The following ZNF79 variants were observed in gnomAD, a reference collection of about 807,000 sequenced individuals.
ZNF79 encodes zinc finger protein 79.
ZNF79 carries 13 observed loss-of-function variants against 14.9 expected under a neutral mutation model. That is an observed-to-expected ratio of 0.87 (90% CI 0.57 to 1.38). ZNF79 has a LOEUF of 1.38. ZNF79 is among the 40% of genes most tolerant of loss of function. The pLI is 0.00. For missense variants in ZNF79, 631 were observed against 630.6 expected (o/e 1.00, Z -0.01); for synonymous variants, 223 against 235.1 (o/e 0.95, Z 0.47).
intron 4 of ZNF79, among the ~76,000 whole-genome samples, chr9:127,441,328 A>G (rs969221433): frequency 2.6e-5 from 4 of 152,170 alleles, no homozygotes; most frequent in African/African-American, 9.7e-5. Context: ...CTGTGTCTCA[A>G]CTACCATTCT....
chr9:127,435,319 A>G, intron 3 of ZNF79, 103 bp downstream of exon 3: 1 of 1,328,268 alleles, frequency 7.5e-7, no homozygotes, highest in Non-Finnish European at 1.0e-6. Flanking sequence ...GATGTACCAG[A>G]GGGATGGTGT....
chr9:127,428,726 G>C (rs933775821), intron 1 of ZNF79, 106 bp from the exon 2 acceptor site: 3 of 1,299,232 alleles, frequency 2.3e-6, no homozygotes, highest in African/African-American at 1.5e-5. Flanking sequence ...CAGGTCTGCA[G>C]ATTCAGCCCA....
In ZNF79 at chr9:127,444,290, A is replaced by C; in HGVS notation, c.590A>C (p.Glu197Ala). The C allele has an allele frequency of 6.2e-7, 1 of 1,614,186 alleles. No homozygotes were observed. Among genetic ancestry groups the C allele is most frequent in the Non-Finnish European group, 8.5e-7 (1 of 1,180,042 alleles). Residue 197 changes from glutamate (E) to alanine (A), a missense_variant, in exon 5 of 5, where the codon GAA becomes GCA. Transcript: ENST00000342483. ...AGAGCAAAACCATATGCATGTAATG[A>C]ATGTGGCAAAGCCTTCAGTTACTGT... ...PHRAKPYACN[E>A]CGKAFSYCSS...
intron 4 of ZNF79, among the ~76,000 whole-genome samples, chr9:127,439,212 A>G (rs898747408): frequency 3.3e-5 from 5 of 151,980 alleles, no homozygotes; most frequent in Admixed American, 3.3e-4. Flanking sequence ...CACAACGCGC[A>G]CACACACACA....
rs1419607454 is a variant in ZNF79, at chr9:127,444,158, T to C, written c.458T>C (p.Leu153Pro). 1 of 1,613,826 alleles carries C rather than the reference T, an allele frequency of 6.2e-7. No homozygotes were observed. The highest frequency in any genetic ancestry group is 1.1e-5 in the South Asian group (1 of 91,078). ...AGTGACCTTGAGAAGAGCTTCAATC[T>C]GAGACCAGTCCTCTCTCCGCAACAG... is the stretch of plus-strand genomic sequence containing the variant. ...GTSDLEKSFN[L>P]RPVLSPQQRV... Residue 153 changes from leucine (L) to proline (P), a missense_variant, in exon 5 of 5, where the codon CTG becomes CCG. Physicochemically the swap from Leu to Pro is moderately conservative, Grantham distance 98. Coordinates refer to ENST00000342483, the MANE Select transcript of ZNF79 (RefSeq NM_007135.3).
In ZNF79 at chr9:127,445,270, T is replaced by C. The variant is rs1834150813; in HGVS notation, c.*73T>C. 5 of 1,509,286 alleles carry C rather than the reference T, an allele frequency of 3.3e-6. No homozygotes were observed. The highest frequency in any genetic ancestry group is 4.5e-6 in the Non-Finnish European group (5 of 1,112,560). The allele number at this position is 1,509,286 out of a possible 1,614,324, so 93.5% of individuals were successfully genotyped here. Reference sequence around the variant, plus strand: ...GACAGGTGGGTGAGGATCTGAGAAATGCTAAAGGCTTGAAAGCATCTGAAG... The same window carrying C: ...GACAGGTGGGTGAGGATCTGAGAAACGCTAAAGGCTTGAAAGCATCTGAAG... On this transcript the variant is annotated 3_prime_UTR_variant, in exon 5 of 5. Coordinates refer to ENST00000342483, the MANE Select transcript of ZNF79 (RefSeq NM_007135.3).
At position 127,424,811 on chromosome 9, in the gene ZNF79, G is replaced by A. The variant is rs372852242; in HGVS notation, c.16+8G>A. 9 of 1,613,974 alleles carry A rather than the reference G, an allele frequency of 5.6e-6. No homozygotes were observed. Among genetic ancestry groups the A allele is most frequent in the Admixed American group, 1.7e-5 (1 of 59,998 alleles). On this transcript the variant is annotated splice_region_variant and intron_variant, in intron 1 of 4. Coordinates refer to ENST00000342483, the MANE Select transcript of ZNF79 (RefSeq NM_007135.3). The stretch of plus-strand genomic sequence containing the variant: ...AAATGCTGGAGGAAGGAGGTGAGGA[G>A]TGGTAGAGGGAGCGATTGTCAAGAG...
At chr9:127,433,380 C>A (rs1012981507) in intron 2 of ZNF79, among the ~76,000 whole-genome samples, 1 of 152,160 alleles carries the variant, frequency 6.6e-6, no homozygotes, top group Non-Finnish European at 1.5e-5. Flanking sequence ...GAGCTGGGAA[C>A]AGACAAGGAA....
intron 3 of ZNF79, 49 bp from the exon 4 acceptor site, chr9:127,435,859 G>A: frequency 6.6e-7 from 1 of 1,525,132 alleles, no homozygotes. Context: ...CTGGGTGGCT[G>A]TTCATACTTA....
chr9:127,439,791 G>T (rs1327874780), intron 4 of ZNF79, among the ~76,000 whole-genome samples: 1 of 152,202 alleles, frequency 6.6e-6, no homozygotes. Context: ...TATTCCCTTT[G>T]TTGAGTGGGG....
intron 4 of ZNF79, among the ~76,000 whole-genome samples, chr9:127,443,738 A>ATAT (rs1223422911): frequency 6.6e-6 from 1 of 151,996 alleles, no homozygotes; most frequent in African/African-American, 2.4e-5. Context: ...CGTCTCTACT[A>ATAT]AAAATACAAA....
At chr9:127,425,495 C>CA (rs1293728504) in intron 1 of ZNF79, among the ~76,000 whole-genome samples, 1 of 152,222 alleles carries the variant, frequency 6.6e-6, no homozygotes, top group Non-Finnish European at 1.5e-5. Flanking sequence ...ACCCCTAGAT[C>CA]AACTGTATTT....
chr9:127,433,139 G>A (rs934847697), intron 2 of ZNF79, among the ~76,000 whole-genome samples: 1 of 152,136 alleles, frequency 6.6e-6, no homozygotes. Flanking sequence ...GTACCTCTCG[G>A]TGTAATGAAT....
chr9:127,440,741 A>G (rs1157981197), intron 4 of ZNF79, among the ~76,000 whole-genome samples: 5 of 152,074 alleles, frequency 3.3e-5, no homozygotes, highest in African/African-American at 9.7e-5. Flanking sequence ...TGGGAATGTG[A>G]GGTGATGGTG....
intron 4 of ZNF79, among the ~76,000 whole-genome samples, chr9:127,437,975 G>A (rs1227190090): frequency 6.6e-6 from 1 of 152,132 alleles, no homozygotes; most frequent in East Asian, 1.9e-4. Context: ...TTAGAAACAG[G>A]AGTTGGAAAG....
chr9:127,439,180 TACACACACAC>T (rs35455038), intron 4 of ZNF79, among the ~76,000 whole-genome samples: 2 of 37,378 alleles, frequency 5.4e-5, no homozygotes, highest in African/African-American at 1.3e-4. Context: ...GTGGGTGAAA[TACACACACAC>T]ACACACACAC....
chr9:127,442,058 A>G (rs951459227), intron 4 of ZNF79, among the ~76,000 whole-genome samples: 1 of 152,080 alleles, frequency 6.6e-6, no homozygotes, highest in African/African-American at 2.4e-5. Flanking sequence ...TGGAGGTTGC[A>G]GTGAGCTGAG....
Position 127,444,443 on chromosome 9 carries a change from C to A in ZNF79, c.743C>A (p.Pro248His), listed in dbSNP as rs900876013. 3.1e-6 allele frequency: 5 copies of A among 1,613,760 alleles called. No homozygotes were observed. The Admixed American group carries it at 6.7e-5, about 22-fold the overall frequency. ...QHQRIHTGEK[P>H]YKCSECGRAF... ...CAGAGGATTCACACTGGAGAGAAGC[C>A]TTACAAGTGCAGTGAATGTGGAAGA... is the stretch of plus-strand genomic sequence containing the variant. The change falls in exon 5 of 5, where the codon CCT becomes CAT. Residue 248 changes from proline to histidine, a missense_variant. Transcript: ENST00000342483.
chr9:127,439,043 C>T (rs898347998), intron 4 of ZNF79, among the ~76,000 whole-genome samples: 4 of 151,372 alleles, frequency 2.6e-5, no homozygotes, highest in African/African-American at 9.7e-5. Context: ...ACCCGGGAGG[C>T]AGAGACTGCC....
Sources: allele counts gnomAD v4.1 joint callset (sites outside exome capture counted in the v4.1 genomes callset), GRCh38; gene constraint gnomAD v4.1.1; transcripts MANE v1.5; gene names NCBI Gene and HGNC (gene_info 2026-07-23, HGNC 2026-07-21).